The following MCU variants were observed in gnomAD, a reference collection of about 807,000 sequenced individuals.
The protein encoded by MCU is calcium uniporter protein, mitochondrial.
A neutral mutation model predicts 45.2 loss-of-function variants in MCU; 12 were observed. That is an observed-to-expected ratio of 0.27 (90% CI 0.17 to 0.43). The LOEUF (loss-of-function observed/expected upper bound fraction) is 0.43, where lower values mean the gene tolerates loss of function less well. Ranked by LOEUF, MCU falls within the 20% of genes least tolerant of loss-of-function variation. The probability of loss-of-function intolerance (pLI) is 1.00; values close to 1 mark genes in which losing one functional copy is unlikely to be tolerated. For missense variants in MCU, 324 were observed against 436.7 expected (o/e 0.74, Z 2.30); for synonymous variants, 160 against 165.1 (o/e 0.97, Z 0.24).
intron 2 of MCU, among the ~76,000 whole-genome samples, chr10:72,841,994 T>G (rs936929244): frequency 1.3e-5 from 2 of 152,204 alleles, no homozygotes; most frequent in Non-Finnish European, 2.9e-5. Context: ...TTCAAGACCT[T>G]ATAGTTGTTG....
At chr10:72,718,456 C>T (rs942165670) in intron 1 of MCU, among the ~76,000 whole-genome samples, 17 of 152,162 alleles carry the variant, frequency 1.1e-4, no homozygotes, top group African/African-American at 3.9e-4. Context: ...GATCAACTAT[C>T]CTACGTCAAT....
rs1445992879 is a variant in MCU, at chr10:72,748,337, C to T, written c.150+56036C>T. Among the ~76,000 whole-genome samples the T allele has an allele frequency of 3.9e-5, 6 of 152,336 alleles. No homozygotes were observed. The East Asian group carries it at 7.7e-4, about 20-fold the overall frequency. ...TGCTGGGATTACAGGCGTGTGCCAC[C>T]GCACCGGCCAACCGTCTTAATTATC... On this transcript the variant is annotated intron_variant, in intron 1 of 7. Transcript: ENST00000373053.
chr10:72,693,674 CTT>C (rs1390530482), intron 1 of MCU, among the ~76,000 whole-genome samples: 1 of 152,150 alleles, frequency 6.6e-6, no homozygotes, highest in African/African-American at 2.4e-5. Context: ...GATTGTACCT[CTT>C]TTTATTTGGC....
chr10:72,699,726 G>A (rs1842733685), intron 1 of MCU, among the ~76,000 whole-genome samples: 1 of 151,516 alleles, frequency 6.6e-6, no homozygotes, highest in Admixed American at 6.6e-5. Context: ...TGAGTGGCTG[G>A]GACTACAGGT....
chr10:72,875,869 G>A (rs1396689762), intron 6 of MCU, among the ~76,000 whole-genome samples: 2 of 152,208 alleles, frequency 1.3e-5, no homozygotes, highest in Admixed American at 6.5e-5. Context: ...TGGACCAGCC[G>A]TCCCACCATC....
At chr10:72,739,762 C>T (rs373319820) in intron 1 of MCU, among the ~76,000 whole-genome samples, 3 of 151,610 alleles carry the variant, frequency 2.0e-5, no homozygotes, top group Non-Finnish European at 4.4e-5. Context: ...CTGCAACCTC[C>T]GCCTCCTGAG....
intron 1 of MCU, among the ~76,000 whole-genome samples, chr10:72,786,454 T>G (rs1008976182): frequency 6.6e-6 from 1 of 152,034 alleles, no homozygotes; most frequent in African/African-American, 2.4e-5. Context: ...TTAAATTATT[T>G]TGAAGCATGG....
At chr10:72,757,850 G>A (rs1335030238) in intron 1 of MCU, among the ~76,000 whole-genome samples, 3 of 152,366 alleles carry the variant, frequency 2.0e-5, no homozygotes, top group Non-Finnish European at 2.9e-5. Context: ...CGAAAAACAA[G>A]CAGGTGTATA....
chr10:72,843,713 A>G lies in MCU; in HGVS notation c.220+9285A>G, dbSNP rs1444499774. Among the ~76,000 whole-genome samples the G allele has an allele frequency of 3.4e-4, 51 of 152,162 alleles. 1 individual carries two copies. Among genetic ancestry groups the G allele is most frequent in the Admixed American group, 3.3e-3 (51 of 15,282 alleles). On this transcript the variant is annotated intron_variant, in intron 2 of 7. Coordinates refer to ENST00000373053, the MANE Select transcript of MCU (RefSeq NM_138357.3). ...ATGTTTATTTTTGTAAGAAAACACC[A>G]AACCGTCTACCAAAGTGGTTGTACT... is the stretch of plus-strand genomic sequence containing the variant.
intron 1 of MCU, among the ~76,000 whole-genome samples, chr10:72,830,436 A>T (rs929851452): frequency 1.3e-5 from 2 of 152,134 alleles, no homozygotes; most frequent in African/African-American, 4.8e-5. Context: ...AAGTGATATG[A>T]TGGTTGGGAT....
intron 1 of MCU, among the ~76,000 whole-genome samples, chr10:72,762,273 T>A (rs1843666552): frequency 6.6e-6 from 1 of 152,138 alleles, no homozygotes; most frequent in Admixed American, 6.5e-5. Context: ...ACAGCTGAAA[T>A]CTACCAGACA....
chr10:72,883,010 C>G (rs1262768618), intron 6 of MCU, among the ~76,000 whole-genome samples: 1 of 152,126 alleles, frequency 6.6e-6, no homozygotes, highest in Non-Finnish European at 1.5e-5. Context: ...GGGCAGATTC[C>G]CCGATAACTA....
intron 1 of MCU, among the ~76,000 whole-genome samples, chr10:72,799,248 A>G (rs1158555043): frequency 1.3e-5 from 2 of 152,154 alleles, no homozygotes; most frequent in East Asian, 1.9e-4. Flanking sequence ...TTTAAAAGCT[A>G]TGTAGTTTTC....
rs573857608 is a variant in MCU, at chr10:72,724,403, T to G, written c.150+32102T>G. 4.6e-5 allele frequency among the ~76,000 whole-genome samples: 7 copies of G among 152,356 alleles called. No individual in the cohort carries two copies. In the East Asian group the frequency reaches 1.3e-3, roughly 29 times the overall value. ...TGCTGTGAACTAAAACTCATGTTCC[T>G]TAACTCTCATAGAGATGTTGGTCTT... On this transcript the variant is annotated intron_variant, in intron 1 of 7. Coordinates refer to ENST00000373053, the MANE Select transcript of MCU (RefSeq NM_138357.3).
At chr10:72,764,247 G>T (rs1378821888) in intron 1 of MCU, among the ~76,000 whole-genome samples, 1 of 152,148 alleles carries the variant, frequency 6.6e-6, no homozygotes, top group Admixed American at 6.6e-5. Flanking sequence ...TGGTGATTGA[G>T]CCAGTTTCTG....
intron 1 of MCU, among the ~76,000 whole-genome samples, chr10:72,765,243 T>A (rs549621815): frequency 6.6e-6 from 1 of 152,296 alleles, no homozygotes; most frequent in Non-Finnish European, 1.5e-5. Flanking sequence ...AGAAATGTAT[T>A]AATTAAAATA....
intron 2 of MCU, among the ~76,000 whole-genome samples, chr10:72,858,454 C>T (rs1845327211): frequency 1.3e-5 from 2 of 152,100 alleles, no homozygotes; most frequent in South Asian, 2.1e-4. Context: ...CAGTGTTGGT[C>T]AGTTAATTGG....
In MCU at chr10:72,859,287, T is replaced by C. The variant is rs1303731983; in HGVS notation, c.331T>C (p.Phe111Leu). ...GCCTATCTCTGACTCTGTTGGTGTA[T>C]TTTTACGACAACTGCAAGAAGAGGA... ...LKPISDSVGV[F>L]LRQLQEEDRG... The change falls in exon 3 of 8, where the codon TTT becomes CTT. Residue 111 changes from phenylalanine (F) to leucine (L), a missense_variant. Phe to Leu is a conservative substitution (Grantham distance 22). Coordinates refer to ENST00000373053, the MANE Select transcript of MCU (RefSeq NM_138357.3). 6.2e-7 allele frequency: 1 copy of C among 1,613,904 alleles called. No individual in the cohort carries two copies. Among genetic ancestry groups the C allele is most frequent in the African/African-American group, 1.3e-5 (1 of 75,010 alleles).
At chr10:72,819,432 G>A (rs1829671983) in intron 1 of MCU, among the ~76,000 whole-genome samples, 2 of 150,676 alleles carry the variant, frequency 1.3e-5, no homozygotes, top group African/African-American at 5.0e-5. Context: ...TCATCCATAA[G>A]TTTGTTTGTT....
Sources: gnomAD v4.1 joint callset for allele counts (sites outside exome capture counted in the v4.1 genomes callset) on GRCh38, gnomAD v4.1.1 for gene constraint, MANE v1.5 for transcripts, NCBI Gene and HGNC (gene_info 2026-07-23, HGNC 2026-07-21) for gene names.